The following MLLT3 variants were observed in gnomAD, a reference collection of about 807,000 sequenced individuals.
The protein encoded by MLLT3 is MLLT3 super elongation complex subunit.
Under a neutral mutation model 53.2 loss-of-function variants are expected in MLLT3, and 4 were observed. The observed-to-expected ratio is 0.08, with a 90% CI of 0.04 to 0.17. The LOEUF (loss-of-function observed/expected upper bound fraction) is 0.17. Among genes scored for constraint, MLLT3 ranks in the 10% least tolerant of loss-of-function variants. The probability of loss-of-function intolerance (pLI) is 1.00; values close to 1 mark genes in which losing one functional copy is unlikely to be tolerated. For missense variants in MLLT3, 569 were observed against 684.0 expected, an observed-to-expected ratio of 0.83 and a Z score of 1.87; for synonymous variants, 283 against 230.6, an observed-to-expected ratio of 1.23 and a Z score of -2.06.
At chr9:20,532,952 A>C (rs1312614112) in intron 2 of MLLT3, 7 of 261,516 alleles carry the variant, frequency 2.7e-5, no homozygotes, top group Non-Finnish European at 5.2e-5. Flanking sequence ...CTAAGAGATC[A>C]CCTGTCCTTC....
intron 2 of MLLT3, among the ~76,000 whole-genome samples, chr9:20,545,415 G>C (rs192032905): frequency 4.6e-5 from 7 of 152,254 alleles, no homozygotes; most frequent in African/African-American, 1.7e-4. Context: ...TGAAGGGGAG[G>C]GGATCCATTG....
chr9:20,597,643 T>A, intron 2 of MLLT3, among the ~76,000 whole-genome samples: 1 of 152,218 alleles, frequency 6.6e-6, no homozygotes, highest in East Asian at 1.9e-4. Context: ...AGTGGTGTCA[T>A]GTATTGCACT....
At chr9:20,461,519 G>C (rs958180455) in intron 2 of MLLT3, among the ~76,000 whole-genome samples, 1 of 151,856 alleles carries the variant, frequency 6.6e-6, no homozygotes, top group African/African-American at 2.4e-5. Context: ...AGCTATGCTT[G>C]GTACAGAGAA....
intron 2 of MLLT3, among the ~76,000 whole-genome samples, chr9:20,502,104 G>T (rs1036879658): frequency 6.9e-6 from 1 of 143,976 alleles, no homozygotes; most frequent in African/African-American, 2.5e-5. Context: ...GGGGGGGGGG[G>T]GGACTACCTT....
At chr9:20,432,257 A>C (rs565689736) in intron 4 of MLLT3, among the ~76,000 whole-genome samples, 1 of 152,234 alleles carries the variant, frequency 6.6e-6, no homozygotes, top group Non-Finnish European at 1.5e-5. Flanking sequence ...GTATGTGCTC[A>C]GTGAATAAAT....
chr9:20,393,533 C>T (rs1055090195), intron 5 of MLLT3, among the ~76,000 whole-genome samples: 9 of 152,130 alleles, frequency 5.9e-5, no homozygotes, highest in Non-Finnish European at 1.3e-4. Flanking sequence ...GATTTCCCTT[C>T]GATTTCAAAA....
chr9:20,475,455 C>T (rs1352695154), intron 2 of MLLT3, among the ~76,000 whole-genome samples: 1 of 152,000 alleles, frequency 6.6e-6, no homozygotes, highest in Non-Finnish European at 1.5e-5. Context: ...AAAAAGAAGG[C>T]ATAAATCAGC....
chr9:20,424,093 T>C (rs1823083041), intron 4 of MLLT3, among the ~76,000 whole-genome samples: 1 of 152,132 alleles, frequency 6.6e-6, no homozygotes, highest in Admixed American at 6.6e-5. Context: ...TATATGCAAA[T>C]ACTATGCCAT....
Position 20,346,095 on chromosome 9 carries a change from C to T in MLLT3, c.*348G>A. ...ATATGCATTCGTCCTGTGGAATGAA[C>T]CACCACAGAGAGATACATGATACCA... On this transcript the variant is annotated 3_prime_UTR_variant, in exon 11 of 11. Coordinates refer to ENST00000380338, the MANE Select transcript of MLLT3 (RefSeq NM_004529.4). 2 of 264,756 alleles carry T rather than the reference C, an allele frequency of 7.6e-6. No individual in the cohort carries two copies. Among genetic ancestry groups the T allele is most frequent in the Non-Finnish European group, 1.5e-5 (2 of 137,082 alleles). 16.4% of individuals were successfully genotyped at this position (264,756 alleles called of 1,614,324 possible). A position where few individuals can be genotyped will look rare whatever the true frequency, so the allele number is the denominator to read the frequency against.
In MLLT3 at chr9:20,344,574, C is replaced by T. The variant is rs1197156997; in HGVS notation, c.*1869G>A. The T allele has an allele frequency of 1.4e-5, 3 of 212,222 alleles. No homozygotes were observed. The highest frequency in any genetic ancestry group is 1.9e-5 in the Non-Finnish European group (2 of 104,700). 13.1% of individuals were successfully genotyped at this position (212,222 alleles called of 1,614,324 possible). A position where few individuals can be genotyped will look rare whatever the true frequency, so the allele number is the denominator to read the frequency against. On this transcript the variant is annotated 3_prime_UTR_variant, in exon 11 of 11. Coordinates refer to ENST00000380338, the MANE Select transcript of MLLT3 (RefSeq NM_004529.4). ...TGCTTCAAGTACGGTTCATGCCAAT[C>T]GTCATTAAGAATCATAACATTATTG...
chr9:20,357,046 T>C (rs1312896802), intron 8 of MLLT3, among the ~76,000 whole-genome samples: 2 of 152,250 alleles, frequency 1.3e-5, no homozygotes, highest in African/African-American at 4.8e-5. Flanking sequence ...GTTTTATTTA[T>C]GATCATTTCT....
intron 4 of MLLT3, among the ~76,000 whole-genome samples, chr9:20,420,104 T>C (rs1469603046): frequency 6.6e-6 from 1 of 152,042 alleles, no homozygotes; most frequent in Non-Finnish European, 1.5e-5. Flanking sequence ...GAAAGGAAGG[T>C]GGTCATTTAT....
chr9:20,579,723 T>G (rs1819741542), intron 2 of MLLT3, among the ~76,000 whole-genome samples: 1 of 152,154 alleles, frequency 6.6e-6, no homozygotes, highest in Non-Finnish European at 1.5e-5. Context: ...AACCCCACCC[T>G]TTTTACTCAC....
At chr9:20,560,025 C>G (rs1184067444) in intron 2 of MLLT3, among the ~76,000 whole-genome samples, 1 of 152,118 alleles carries the variant, frequency 6.6e-6, no homozygotes, top group Non-Finnish European at 1.5e-5. Context: ...AACATGATTC[C>G]TAAAAGCTCA....
At chr9:20,573,182 T>G (rs1214343047) in intron 2 of MLLT3, among the ~76,000 whole-genome samples, 2 of 65,400 alleles carry the variant, frequency 3.1e-5, no homozygotes, top group Non-Finnish European at 4.5e-5. Flanking sequence ...TGTTTTTTTT[T>G]GTTTTGTTTT....
intron 2 of MLLT3, among the ~76,000 whole-genome samples, chr9:20,473,028 G>A (rs1428365448): frequency 6.6e-6 from 1 of 152,054 alleles, no homozygotes; most frequent in African/African-American, 2.4e-5. Flanking sequence ...AGAAATACCA[G>A]TTTTTGGTCT....
chr9:20,560,907 A>AC (rs1587070181), intron 2 of MLLT3, among the ~76,000 whole-genome samples: 1 of 152,154 alleles, frequency 6.6e-6, no homozygotes, highest in Non-Finnish European at 1.5e-5. Context: ...TATCATTTCT[A>AC]CGTATTGGTA....
chr9:20,558,579 A>G (rs1424271937), intron 2 of MLLT3, among the ~76,000 whole-genome samples: 2 of 152,166 alleles, frequency 1.3e-5, no homozygotes, highest in Admixed American at 6.5e-5. Context: ...ATTCAACAGC[A>G]CCCAAAAGCA....
At chr9:20,356,076 T>C (rs1440037175) in intron 8 of MLLT3, among the ~76,000 whole-genome samples, 1 of 152,184 alleles carries the variant, frequency 6.6e-6, no homozygotes, top group Non-Finnish European at 1.5e-5. Flanking sequence ...CAGATTCCCA[T>C]TCAGCTTTAA....
Sources: allele counts gnomAD v4.1 joint callset (sites outside exome capture counted in the v4.1 genomes callset), GRCh38; gene constraint gnomAD v4.1.1; transcripts MANE v1.5; gene names NCBI Gene and HGNC (gene_info 2026-07-23, HGNC 2026-07-21).